CSMD1: variants seen among roughly 807,000 people sequenced by gnomAD.
CSMD1 encodes the protein CUB and Sushi multiple domains 1, also known as CUB and sushi domain-containing protein 1.
Under a neutral mutation model 417.5 loss-of-function variants are expected in CSMD1, and 213 were observed. The observed-to-expected ratio is 0.51, with a 90% CI of 0.46 to 0.57. The LOEUF (loss-of-function observed/expected upper bound fraction) is 0.57, where lower values mean the gene tolerates loss of function less well. Among genes scored for constraint, CSMD1 ranks in the 20% least tolerant of loss-of-function variants. The probability of loss-of-function intolerance (pLI) is 0.00; values close to 1 mark genes in which losing one functional copy is unlikely to be tolerated. For missense variants in CSMD1, 6,923 were observed against 4,529.7 expected (o/e 1.53, Z -15.17); for synonymous variants, 2,862 against 1,736.8 (o/e 1.65, Z -16.11).
chr8:4,220,457 G>A (rs1800958837), intron 3 of CSMD1, among the ~76,000 whole-genome samples: 1 of 152,202 alleles, frequency 6.6e-6, no homozygotes, highest in African/African-American at 2.4e-5. Context: ...AGGGCAGTGA[G>A]AAGACCTCAT....
intron 3 of CSMD1, among the ~76,000 whole-genome samples, chr8:4,079,425 G>C (rs10086015): frequency 6.6e-6 from 1 of 152,098 alleles, no homozygotes; most frequent in Non-Finnish European, 1.5e-5. Flanking sequence ...GCTAAAAACA[G>C]GATATAGAAC....
intron 12 of CSMD1, among the ~76,000 whole-genome samples, chr8:3,439,309 A>ATATATATATATAT: frequency 1.5e-3 from 96 of 62,408 alleles, no homozygotes; most frequent in Non-Finnish European, 1.8e-3. Flanking sequence ...ATATATATAT[A>ATATATATATATAT]TTTTTTTTTT....
intron 26 of CSMD1, among the ~76,000 whole-genome samples, chr8:3,256,868 G>A (rs1004245657): frequency 2.6e-5 from 4 of 152,114 alleles, no homozygotes; most frequent in Non-Finnish European, 5.9e-5. Flanking sequence ...ATGTTAGGAG[G>A]AGATTTTTCA....
intron 3 of CSMD1, among the ~76,000 whole-genome samples, chr8:4,374,420 A>G (rs1167511463): frequency 6.6e-6 from 1 of 152,168 alleles, no homozygotes; most frequent in African/African-American, 2.4e-5. Context: ...GCACCTGAAA[A>G]AACTTTTTGT....
chr8:4,412,398 C>T (rs999959318), intron 3 of CSMD1, among the ~76,000 whole-genome samples: 4 of 152,268 alleles, frequency 2.6e-5, no homozygotes, highest in East Asian at 1.9e-4. Flanking sequence ...CCATGTGTTG[C>T]GCTGGCTCCT....
intron 1 of CSMD1, among the ~76,000 whole-genome samples, chr8:4,719,005 A>T (rs1808869249): frequency 6.6e-6 from 1 of 152,172 alleles, no homozygotes; most frequent in Non-Finnish European, 1.5e-5. Flanking sequence ...TAGGTATGAG[A>T]AAAAAGGAAA....
intron 2 of CSMD1, among the ~76,000 whole-genome samples, chr8:4,591,207 G>T (rs574135447): frequency 6.6e-6 from 1 of 152,208 alleles, no homozygotes; most frequent in Non-Finnish European, 1.5e-5. Context: ...GAGTAAAGAT[G>T]AAGATGAAAT....
At chr8:3,877,420 G>A (rs1433320703) in intron 5 of CSMD1, among the ~76,000 whole-genome samples, 1 of 152,180 alleles carries the variant, frequency 6.6e-6, no homozygotes, top group Non-Finnish European at 1.5e-5. Context: ...CTCAGAAGCG[G>A]AGTCTAGCGT....
rs1554464157 is a variant in CSMD1, at chr8:4,738,895, C to CTGCGTGTTTGTGTGTG, written c.86-101338_86-101337insCACACACAAACACGCA. 3.7e-4 allele frequency among the ~76,000 whole-genome samples: 13 copies of CTGCGTGTTTGTGTGTG among 35,100 alleles called. No homozygotes were observed. In the South Asian group the frequency reaches 8.7e-3, roughly 24 times the overall value. The allele number at this position is 35,100 out of a possible 152,430, so 23.0% of individuals were successfully genotyped here. A position where few individuals can be genotyped will look rare whatever the true frequency, so the allele number is the denominator to read the frequency against. ...ATAGTCATCTATTATACTTAAAATT[C>CTGCGTGTTTGTGTGTG]TGTGTGTTTGTGTGTGTGTGTGTGT... On this transcript the variant is annotated intron_variant, in intron 1 of 69. Transcript: ENST00000635120.
chr8:4,855,265 C>G (rs1801729143), intron 1 of CSMD1, among the ~76,000 whole-genome samples: 1 of 151,562 alleles, frequency 6.6e-6, no homozygotes, highest in Admixed American at 6.6e-5. Context: ...CCCATCTGTA[C>G]ATAACCATCA....
chr8:3,924,995 G>C (rs1006173261), intron 5 of CSMD1, among the ~76,000 whole-genome samples: 4 of 152,110 alleles, frequency 2.6e-5, no homozygotes, highest in Admixed American at 1.3e-4. Context: ...TTTAGTCCTT[G>C]CTGACTGGTA....
chr8:3,779,830 C>T (rs1032268258), intron 5 of CSMD1, among the ~76,000 whole-genome samples: 2 of 152,140 alleles, frequency 1.3e-5, no homozygotes, highest in Non-Finnish European at 2.9e-5. Context: ...TTAATAGGGA[C>T]AGGAAAAATA....
chr8:4,430,494 A>C (rs1797815035), intron 2 of CSMD1, among the ~76,000 whole-genome samples: 1 of 152,138 alleles, frequency 6.6e-6, no homozygotes, highest in African/African-American at 2.4e-5. Flanking sequence ...CATAATTTGC[A>C]CTAAACAAAA....
chr8:4,402,822 TTTTTTTTTTTTTTTTG>T (rs1199154570), intron 3 of CSMD1, among the ~76,000 whole-genome samples: 34 of 28,160 alleles, frequency 1.2e-3, no homozygotes, highest in Middle Eastern at 0.017. Flanking sequence ...TTTTTTTTTC[TTTTTTTTTTTTTTTTG>T]GAGACAGAGC....
At chr8:3,425,745 C>T (rs1031364267) in intron 12 of CSMD1, among the ~76,000 whole-genome samples, 9 of 152,094 alleles carry the variant, frequency 5.9e-5, no homozygotes, top group African/African-American at 1.9e-4. Context: ...GGTTCGGATA[C>T]CCTTTTTCTC....
chr8:3,144,809 G>C (rs1462662564), intron 40 of CSMD1, among the ~76,000 whole-genome samples: 41 of 134,016 alleles, frequency 3.1e-4, no homozygotes, highest in African/African-American at 1.1e-3. Flanking sequence ...GGGGGGGAGG[G>C]AGGGAGGGAG....
At chr8:4,406,230 C>CT (rs908646925) in intron 3 of CSMD1, among the ~76,000 whole-genome samples, 70 of 152,196 alleles carry the variant, frequency 4.6e-4, no homozygotes, top group African/African-American at 1.6e-3. Context: ...CAAAGTCCCC[C>CT]CAAATGGTGC....
chr8:4,729,283 T>A (rs1346518135), intron 1 of CSMD1, among the ~76,000 whole-genome samples: 2 of 152,196 alleles, frequency 1.3e-5, no homozygotes, highest in African/African-American at 4.8e-5. Context: ...GATCATTATA[T>A]TCGGAAATGC....
chr8:4,288,587 C>A (rs866688563), intron 3 of CSMD1, among the ~76,000 whole-genome samples: 1 of 152,202 alleles, frequency 6.6e-6, no homozygotes, highest in East Asian at 1.9e-4. Context: ...CAGCTCTACG[C>A]ATGCAGCTGG....
Sources: allele counts gnomAD v4.1 joint callset (sites outside exome capture counted in the v4.1 genomes callset), GRCh38; gene constraint gnomAD v4.1.1; transcripts MANE v1.5; gene names NCBI Gene and HGNC (gene_info 2026-07-23, HGNC 2026-07-21).